NUP210: variants seen among roughly 807,000 people sequenced by gnomAD.
The protein encoded by NUP210 is nuclear pore membrane glycoprotein 210.
Under a neutral mutation model 196.0 loss-of-function variants are expected in NUP210, and 151 were observed. The observed-to-expected ratio is 0.77, with a 90% CI of 0.67 to 0.88. The LOEUF is 0.88. NUP210 is among the 40% of genes least tolerant of loss of function. NUP210 has a pLI of 0.00. For synonymous variants in NUP210, 1,070 were observed against 1,052.7 expected, an observed-to-expected ratio of 1.02 and a Z score of -0.32; for missense variants, 2,314 against 2,493.7, an observed-to-expected ratio of 0.93 and a Z score of 1.53.
chr3:13,322,409 G>A (rs2124829461), intron 34 of NUP210, 70 bp from the exon 35 acceptor site: 1 of 1,554,080 alleles, frequency 6.4e-7, no homozygotes. Context: ...CACCAGGCCT[G>A]CACAGGCTGG....
intron 16 of NUP210, 113 bp downstream of exon 16, chr3:13,358,109 G>A (rs1005517939): frequency 7.6e-6 from 7 of 925,842 alleles, no homozygotes; most frequent in South Asian, 1.7e-5. Flanking sequence ...CGAAGGAAGT[G>A]CAGCGTGGAG....
chr3:13,317,645 C>A lies in NUP210; in HGVS notation c.*36G>T, dbSNP rs137876140. 1.4e-6 allele frequency: 2 copies of A among 1,458,628 alleles called. No individual in the cohort carries two copies. Among genetic ancestry groups the A allele is most frequent in the South Asian group, 2.4e-5 (2 of 83,374 alleles). 90.4% of individuals were successfully genotyped at this position (1,458,628 alleles called of 1,614,324 possible). A position where few individuals can be genotyped will look rare whatever the true frequency, so the allele number is the denominator to read the frequency against. Reference sequence around the variant, plus strand: ...TTCCATCTTGGGGGTGCACGAGGCTCGGCTGAGACCCATCCTCCGGGAACC... The same window carrying A: ...TTCCATCTTGGGGGTGCACGAGGCTAGGCTGAGACCCATCCTCCGGGAACC... On this transcript the variant is annotated 3_prime_UTR_variant, in exon 40 of 40. Transcript: ENST00000254508.
Position 13,340,211 on chromosome 3 carries a change from C to T in NUP210, c.3291+25G>A, listed in dbSNP as rs759192791. 15 of 1,613,046 alleles carry T rather than the reference C, an allele frequency of 9.3e-6. No homozygotes were observed. The highest frequency in any genetic ancestry group is 1.3e-5 in the African/African-American group (1 of 74,948). Reference sequence around the variant, plus strand: ...GTGGTGGCCTGCACTGGGGCTGGAGCAGGACGTGGCCTCTTGGCTCTCACC... The same window carrying T: ...GTGGTGGCCTGCACTGGGGCTGGAGTAGGACGTGGCCTCTTGGCTCTCACC... On this transcript the variant is annotated intron_variant, in intron 24 of 39. Transcript: ENST00000254508. The surrounding 1 kb of genome is among the most constrained non-coding windows in gnomAD (Gnocchi z 4.0).
rs1350827090 is a variant in NUP210 at position 13,330,483 on chromosome 3, G to C, written c.4087C>G (p.Gln1363Glu). Residue 1363 changes from glutamine (Q) to glutamate (E), a missense_variant, in exon 30 of 40, where the codon CAA becomes GAA. Gln to Glu is a conservative substitution (Grantham distance 29, BLOSUM62 2). Transcript: ENST00000254508. ...VIAQEPFGANQTIIVAVKVSP... is the reference protein window; with the variant it reads ...VIAQEPFGANETIIVAVKVSP... ...ACCTTTACAGCAACAATGATGGTTT[G>C]GTTGGCCCCAAAGGGCTCTTGTGCA... 1 of 1,614,150 alleles carries C rather than the reference G, an allele frequency of 6.2e-7. No individual in the cohort carries two copies. Among genetic ancestry groups the C allele is most frequent in the Admixed American group, 1.7e-5 (1 of 60,014 alleles).
chr3:13,374,850 A>G (rs1416990569), intron 11 of NUP210, among the ~76,000 whole-genome samples: 1 of 152,232 alleles, frequency 6.6e-6, no homozygotes, highest in Non-Finnish European at 1.5e-5. Context: ...GTGCACAGAC[A>G]GGACACCTGT....
chr3:13,327,332 CG>C lies in NUP210; in HGVS notation c.4391del (p.Pro1464ArgfsTer35). The C allele has an allele frequency of 6.2e-7, 1 of 1,613,376 alleles. No individual in the cohort carries two copies. The highest frequency in any genetic ancestry group is 8.5e-7 in the Non-Finnish European group (1 of 1,180,008). On this transcript the variant is annotated frameshift_variant, in exon 32 of 40. Transcript: ENST00000254508. LOFTEE classifies it high-confidence loss of function. ...GCAGGGGCATGAAGTCCGAGAGGCC[CG>C]GGTGCTCTGCGTCCCACACACGGAG... ...TLLRVWDAEH[P>X]GLSDFMPLPV...
Position 13,393,859 on chromosome 3 carries a change from C to T in NUP210, c.437-2552G>A, listed in dbSNP as rs186928102. On this transcript the variant is annotated intron_variant, in intron 3 of 39. Coordinates refer to ENST00000254508, the MANE Select transcript of NUP210 (RefSeq NM_024923.4). ...TAACCAGGAAAGCCAGGGATCCAGTCTCCAGAGGATCTACCTCCCCTGTCC... is the reference window on the plus strand; with the variant it reads ...TAACCAGGAAAGCCAGGGATCCAGTTTCCAGAGGATCTACCTCCCCTGTCC... 3.9e-5 allele frequency among the ~76,000 whole-genome samples: 6 copies of T among 152,336 alleles called. No individual in the cohort carries two copies. In the East Asian group the frequency reaches 1.2e-3, roughly 29 times the overall value.
intron 6 of NUP210, among the ~76,000 whole-genome samples, chr3:13,385,326 G>A (rs1335282175): frequency 6.6e-6 from 1 of 152,240 alleles, no homozygotes; most frequent in East Asian, 1.9e-4. Context: ...TCACCTGACT[G>A]AGGCCCTCGG....
intron 13 of NUP210, among the ~76,000 whole-genome samples, chr3:13,368,851 T>A (rs1168978512): frequency 6.6e-6 from 1 of 152,250 alleles, no homozygotes; most frequent in Non-Finnish European, 1.5e-5. Flanking sequence ...CCTGGGTTAT[T>A]TCCACCTTTT....
At chr3:13,357,681 G>C (rs1576378914) in intron 16 of NUP210, among the ~76,000 whole-genome samples, 1 of 152,264 alleles carries the variant, frequency 6.6e-6, no homozygotes, top group South Asian at 2.1e-4. Flanking sequence ...TCAAGTCCAA[G>C]GGGAGCAGAC....
At chr3:13,333,099 C>CTCAGACACACA (rs1697065756) in intron 28 of NUP210, among the ~76,000 whole-genome samples, 1 of 152,192 alleles carries the variant, frequency 6.6e-6, no homozygotes, top group South Asian at 2.1e-4. Context: ...CACACAGGGG[C>CTCAGACACACA]CTGGTGAGGA....
intron 36 of NUP210, among the ~76,000 whole-genome samples, chr3:13,320,843 G>A (rs1411632681): frequency 6.7e-6 from 1 of 148,738 alleles, no homozygotes; most frequent in Non-Finnish European, 1.5e-5. Flanking sequence ...AGTGAGCCCA[G>A]ATTGCGCCAC....
chr3:13,364,478 G>C, intron 14 of NUP210, among the ~76,000 whole-genome samples: 1 of 152,188 alleles, frequency 6.6e-6, no homozygotes, highest in South Asian at 2.1e-4. Context: ...AACCACCCTT[G>C]GTTGATGTCT....
At position 13,328,780 on chromosome 3, in the gene NUP210, G is replaced by A; in HGVS notation, c.4277C>T (p.Ala1426Val). Residue 1426 changes from alanine (A) to valine (V), a missense_variant, in exon 31 of 40, where the codon GCC becomes GTC. By Grantham distance (64) the Ala-to-Val change is moderately conservative. Transcript: ENST00000254508. ...FHAHSSVLNF[A>V]TNRDDFVQIG... Reference sequence around the variant, plus strand: ...CTTGCCCACATCCTACCTGTTAGTGGCAAAGTTGAGGACCGAACTGTGAGC... The same window carrying A: ...CTTGCCCACATCCTACCTGTTAGTGACAAAGTTGAGGACCGAACTGTGAGC... The A allele has an allele frequency of 6.2e-7, 1 of 1,614,024 alleles. No individual in the cohort carries two copies. The highest frequency in any genetic ancestry group is 8.5e-7 in the Non-Finnish European group (1 of 1,179,918).
At chr3:13,402,759 A>T (rs1043499831) in intron 1 of NUP210, among the ~76,000 whole-genome samples, 6 of 152,338 alleles carry the variant, frequency 3.9e-5, no homozygotes, top group African/African-American at 1.4e-4. Context: ...TGTTTTTTAA[A>T]GCAGTTTGAG....
At chr3:13,372,058 C>T in intron 12 of NUP210, 26 bp from the exon 13 acceptor site, 2 of 1,528,338 alleles carry the variant, frequency 1.3e-6, no homozygotes, top group East Asian at 2.4e-5. Flanking sequence ...ATGGCCTGGG[C>T]TCAGCTGCCT....
At chr3:13,362,497 A>T (rs1698403333) in intron 14 of NUP210, among the ~76,000 whole-genome samples, 2 of 152,296 alleles carry the variant, frequency 1.3e-5, no homozygotes, top group Admixed American at 6.5e-5. Flanking sequence ...TGCAAGAAAG[A>T]AATTTCTGTT....
chr3:13,419,683 G>A (rs1700466009), intron 1 of NUP210, among the ~76,000 whole-genome samples: 1 of 152,184 alleles, frequency 6.6e-6, no homozygotes, highest in South Asian at 2.1e-4. Context: ...CAGACTCAAG[G>A]GAAGTGCGGC....
intron 1 of NUP210, among the ~76,000 whole-genome samples, chr3:13,412,602 T>G (rs1383051748): frequency 6.6e-6 from 1 of 151,750 alleles, no homozygotes; most frequent in Non-Finnish European, 1.5e-5. Context: ...TAATCTCAGC[T>G]ACTCAGGAGG....
Sources: allele counts gnomAD v4.1 joint callset (sites outside exome capture counted in the v4.1 genomes callset), GRCh38; gene constraint gnomAD v4.1.1; non-coding constraint Gnocchi (gnomAD v3.1); transcripts MANE v1.5; gene names NCBI Gene and HGNC (gene_info 2026-07-23, HGNC 2026-07-21).